The following SAMD4A variants were observed in gnomAD, a reference collection of about 807,000 sequenced individuals.
The protein encoded by SAMD4A is sterile alpha motif domain containing 4A, also known as protein Smaug homolog 1.
In SAMD4A, 33 loss-of-function variants were observed where a neutral mutation model predicts 81.3. The ratio of observed to expected loss-of-function variants is 0.41; its 90% CI spans 0.31 to 0.54. The LOEUF (loss-of-function observed/expected upper bound fraction) is 0.54, where lower values mean the gene tolerates loss of function less well. Among genes scored for constraint, SAMD4A ranks in the 20% least tolerant of loss-of-function variants. SAMD4A has a pLI of 0.37. For synonymous variants in SAMD4A, 389 were observed against 382.1 expected (o/e 1.02, Z -0.21); for missense variants, 854 against 951.1 (o/e 0.90, Z 1.34).
chr14:54,720,445 C>T (rs1198877030), intron 3 of SAMD4A, among the ~76,000 whole-genome samples: 3 of 148,996 alleles, frequency 2.0e-5, no homozygotes, highest in Non-Finnish European at 4.5e-5. Context: ...GTAGATTTCA[C>T]CACAGAGAGA....
chr14:54,716,098 T>G (rs2037110890), intron 3 of SAMD4A, among the ~76,000 whole-genome samples: 1 of 152,194 alleles, frequency 6.6e-6, no homozygotes, highest in Non-Finnish European at 1.5e-5. Context: ...GCTCTTTGTT[T>G]TAAGAGATCT....
At chr14:54,749,986 C>A (rs1388999965) in intron 5 of SAMD4A, among the ~76,000 whole-genome samples, 4 of 152,220 alleles carry the variant, frequency 2.6e-5, no homozygotes, top group African/African-American at 9.6e-5. Context: ...CCCAAAGTCA[C>A]TGCACATTCT....
chr14:54,674,110 A>G (rs1027681325), intron 2 of SAMD4A, among the ~76,000 whole-genome samples: 5 of 152,226 alleles, frequency 3.3e-5, no homozygotes, highest in Admixed American at 1.3e-4. Context: ...CCAAAATATT[A>G]AAGTGTGGCA....
intron 3 of SAMD4A, among the ~76,000 whole-genome samples, chr14:54,717,181 C>G (rs1408776350): frequency 1.3e-5 from 2 of 152,098 alleles, no homozygotes; most frequent in Non-Finnish European, 2.9e-5. Flanking sequence ...TGGCCCACAC[C>G]TGTCATCCCA....
chr14:54,787,479 C>A (rs533365594), intron 12 of SAMD4A, among the ~76,000 whole-genome samples: 4 of 152,248 alleles, frequency 2.6e-5, no homozygotes, highest in African/African-American at 9.6e-5. Context: ...GCACGCCTGT[C>A]ACTTGGGTCC....
chr14:54,607,954 T>G (rs1241093080), intron 2 of SAMD4A, among the ~76,000 whole-genome samples: 2 of 143,138 alleles, frequency 1.4e-5, no homozygotes, highest in Non-Finnish European at 3.0e-5. Flanking sequence ...AGGCAGAGGT[T>G]GCAATGAGCC....
intron 11 of SAMD4A, chr14:54,784,214 GC>G: frequency 1.4e-6 from 1 of 704,714 alleles, no homozygotes; most frequent in South Asian, 1.7e-5. Flanking sequence ...CCTGGATCAT[GC>G]GGGGCCTTAT....
At chr14:54,779,571 C>T (rs997770370) in intron 11 of SAMD4A, among the ~76,000 whole-genome samples, 2 of 152,176 alleles carry the variant, frequency 1.3e-5, no homozygotes, top group Non-Finnish European at 2.9e-5. Context: ...CATCAGTCAC[C>T]TTGCTCGGGT....
intron 2 of SAMD4A, among the ~76,000 whole-genome samples, chr14:54,686,035 C>A (rs534864972): frequency 6.6e-6 from 1 of 152,200 alleles, no homozygotes; most frequent in Non-Finnish European, 1.5e-5. Context: ...TTCTAAGCTC[C>A]AGCGAAAGCT....
chr14:54,637,352 C>T lies in SAMD4A; in HGVS notation c.197-64710C>T, dbSNP rs148009688. On this transcript the variant is annotated intron_variant, in intron 2 of 12. Transcript: ENST00000554335. Reference sequence around the variant, plus strand: ...TGCACTCCAGCCTGGGCAACAAGAGCGAAACTCCATCTCAAAAAAAAAAAA... The same window carrying T: ...TGCACTCCAGCCTGGGCAACAAGAGTGAAACTCCATCTCAAAAAAAAAAAA... Among the ~76,000 whole-genome samples the T allele has an allele frequency of 7.6e-3, 776 of 102,246 alleles. 12 individuals are homozygous for T. The highest frequency in any genetic ancestry group is 0.031 in the African/African-American group (747 of 24,260). 67.1% of individuals were successfully genotyped at this position (102,246 alleles called of 152,430 possible). A position where few individuals can be genotyped will look rare whatever the true frequency, so the allele number is the denominator to read the frequency against.
chr14:54,709,781 C>G (rs903856926), intron 3 of SAMD4A, among the ~76,000 whole-genome samples: 6 of 152,142 alleles, frequency 3.9e-5, no homozygotes, highest in African/African-American at 1.4e-4. Context: ...CAAATATAGG[C>G]AGATAGAACC....
At chr14:54,740,675 C>T (rs1305326766) in intron 4 of SAMD4A, among the ~76,000 whole-genome samples, 2 of 151,934 alleles carry the variant, frequency 1.3e-5, no homozygotes, top group Non-Finnish European at 2.9e-5. Context: ...TCTCATGGTC[C>T]AGCATTCTTG....
At chr14:54,620,083 G>A (rs939657107) in intron 2 of SAMD4A, among the ~76,000 whole-genome samples, 4 of 152,006 alleles carry the variant, frequency 2.6e-5, no homozygotes, top group African/African-American at 4.8e-5. Flanking sequence ...TGGGTGTTAC[G>A]TACATTCTAG....
At chr14:54,718,425 T>C (rs1053205486) in intron 3 of SAMD4A, among the ~76,000 whole-genome samples, 2 of 152,220 alleles carry the variant, frequency 1.3e-5, no homozygotes, top group East Asian at 3.8e-4. Flanking sequence ...GCCCCAGCAA[T>C]GGCTTAGGAG....
rs774399790 is a variant in SAMD4A, at chr14:54,572,624, T to TAGTC, written c.196+4514_196+4517dup. ...TATTCTCCAGGTGCCCATCTATTTA[T>TAGTC]AGTCATAGGAGGGCATAAGTTGTAG... On this transcript the variant is annotated intron_variant, in intron 2 of 12. Coordinates refer to ENST00000554335, the MANE Select transcript of SAMD4A (RefSeq NM_015589.6). Among the ~76,000 whole-genome samples the TAGTC allele has an allele frequency of 1.2e-3, 176 of 152,342 alleles. 1 individual carries two copies. Among genetic ancestry groups the TAGTC allele is most frequent in the Middle Eastern group, 3.4e-3 (1 of 294 alleles).
chr14:54,770,069 C>T (rs755347874), intron 8 of SAMD4A, 35 bp from the exon 9 acceptor site: 26 of 1,340,500 alleles, frequency 1.9e-5, no homozygotes, highest in Middle Eastern at 1.8e-4. Context: ...TGCCAGGCTG[C>T]GTCACCCATT....
At chr14:54,623,870 G>A (rs560185542) in intron 2 of SAMD4A, among the ~76,000 whole-genome samples, 1 of 152,314 alleles carries the variant, frequency 6.6e-6, no homozygotes, top group African/African-American at 2.4e-5. Flanking sequence ...AACTTAACCA[G>A]GAAGAAAAGA....
chr14:54,649,254 T>C (rs781504808), intron 2 of SAMD4A, among the ~76,000 whole-genome samples: 3 of 152,062 alleles, frequency 2.0e-5, no homozygotes, highest in Non-Finnish European at 4.4e-5. Context: ...AAGGAAGATT[T>C]TTAAAGGAAG....
chr14:54,668,211 C>T (rs1594788287), intron 2 of SAMD4A, among the ~76,000 whole-genome samples: 1 of 152,216 alleles, frequency 6.6e-6, no homozygotes, highest in East Asian at 1.9e-4. Flanking sequence ...TGCCTTTGCA[C>T]AGTACCTTTC....
Sources: gnomAD v4.1 joint callset for allele counts (sites outside exome capture counted in the v4.1 genomes callset) on GRCh38, gnomAD v4.1.1 for gene constraint, MANE v1.5 for transcripts, NCBI Gene and HGNC (gene_info 2026-07-23, HGNC 2026-07-21) for gene names.